FHOD3: variants seen among roughly 807,000 people sequenced by gnomAD.
FHOD3 encodes the protein FH1/FH2 domain-containing protein 3.
FHOD3 carries 90 observed loss-of-function variants against 173.0 expected under a neutral mutation model. The ratio of observed to expected loss-of-function variants is 0.52; its 90% CI spans 0.44 to 0.62. The LOEUF is 0.62. Among genes scored for constraint, FHOD3 ranks in the 20% least tolerant of loss-of-function variants. FHOD3 has a pLI of 0.00. For missense variants in FHOD3, 1,945 were observed against 2,034.7 expected (o/e 0.96, Z 0.85); for synonymous variants, 828 against 823.0 (o/e 1.01, Z -0.10).
At chr18:36,694,491 T>C (rs7244747) in intron 17 of FHOD3, among the ~76,000 whole-genome samples, 2,893 of 152,308 alleles carry the variant, frequency 0.019, 89 homozygotes, top group African/African-American at 0.065. Context: ...GGCTCAGTCA[T>C]GGATGAGTAA....
chr18:36,321,560 T>C (rs1022652354), intron 1 of FHOD3, among the ~76,000 whole-genome samples: 3 of 152,140 alleles, frequency 2.0e-5, no homozygotes, highest in Non-Finnish European at 2.9e-5. Flanking sequence ...TTGGAGTATA[T>C]AGAGTGTTGC....
rs1435475586 is a variant in FHOD3 at position 36,632,472 on chromosome 18, A to G, written c.1196+6723A>G. ...AAAACCTTCAGATTCAAAGTAGAAT[A>G]TAAGTATTCTTTACACATTTTAGAT... On this transcript the variant is annotated intron_variant, in intron 10 of 28. Coordinates refer to ENST00000590592, the MANE Select transcript of FHOD3 (RefSeq NM_001281740.3). Among the ~76,000 whole-genome samples, 6 of 152,254 alleles carry G rather than the reference A, an allele frequency of 3.9e-5. No homozygotes were observed. The East Asian group carries it at 7.7e-4, about 20-fold the overall frequency.
chr18:36,554,567 GGC>G (rs1491405292), intron 5 of FHOD3, among the ~76,000 whole-genome samples: 1 of 152,046 alleles, frequency 6.6e-6, no homozygotes, highest in Non-Finnish European at 1.5e-5. Flanking sequence ...ACACCACCAT[GGC>G]ACATGTATAC....
At chr18:36,523,108 A>G (rs1366998965) in intron 5 of FHOD3, among the ~76,000 whole-genome samples, 2 of 150,130 alleles carry the variant, frequency 1.3e-5, no homozygotes, top group African/African-American at 4.9e-5. Flanking sequence ...CGTGTCTGCC[A>G]TCAGTGCTGT....
intron 1 of FHOD3, among the ~76,000 whole-genome samples, chr18:36,320,568 G>A (rs764877883): frequency 6.6e-6 from 1 of 152,216 alleles, no homozygotes; most frequent in Non-Finnish European, 1.5e-5. Flanking sequence ...AGAGGAGCTG[G>A]CATCATTCCT....
intron 5 of FHOD3, among the ~76,000 whole-genome samples, chr18:36,567,939 C>T (rs1463171903): frequency 6.6e-6 from 1 of 151,964 alleles, no homozygotes; most frequent in Non-Finnish European, 1.5e-5. Context: ...TGTTTTTCTG[C>T]TTGGCCCCAG....
At chr18:36,636,857 A>G (rs930150511) in intron 10 of FHOD3, among the ~76,000 whole-genome samples, 9 of 152,164 alleles carry the variant, frequency 5.9e-5, no homozygotes, top group African/African-American at 2.2e-4. Flanking sequence ...GCCTTCTGGT[A>G]TGAAACACAT....
At position 36,653,323 on chromosome 18, in the gene FHOD3, G is replaced by A; in HGVS notation, c.1647-19G>A. ...TCTTTCCGTGCCACATTGTGAGCGG[G>A]CTTTTCTTCCTTTGACAGTTCCTCT... On this transcript the variant is annotated intron_variant, in intron 12 of 28. Coordinates refer to ENST00000590592, the MANE Select transcript of FHOD3 (RefSeq NM_001281740.3). The A allele has an allele frequency of 6.6e-7, 1 of 1,525,182 alleles. No homozygotes were observed. The highest frequency in any genetic ancestry group is 2.0e-5 in the Admixed American group (1 of 49,900). The allele number at this position is 1,525,182 out of a possible 1,614,324, so 94.5% of individuals were successfully genotyped here. A position where few individuals can be genotyped will look rare whatever the true frequency, so the allele number is the denominator to read the frequency against.
chr18:36,440,434 C>A (rs572002193), intron 3 of FHOD3, among the ~76,000 whole-genome samples: 1 of 152,212 alleles, frequency 6.6e-6, no homozygotes, highest in Non-Finnish European at 1.5e-5. Flanking sequence ...GGCCACACGT[C>A]GGGGAGGGAA....
At chr18:36,364,556 G>A (rs1031032080) in intron 2 of FHOD3, among the ~76,000 whole-genome samples, 6 of 152,186 alleles carry the variant, frequency 3.9e-5, no homozygotes, top group Non-Finnish European at 8.8e-5. Flanking sequence ...TGAGGAGAGT[G>A]AAGAGCAGTA....
chr18:36,722,377 C>T (rs1399079854), intron 19 of FHOD3, among the ~76,000 whole-genome samples: 1 of 152,134 alleles, frequency 6.6e-6, no homozygotes, highest in East Asian at 1.9e-4. Flanking sequence ...AGCTTCTATG[C>T]CCCAAGTTAC....
At chr18:36,465,119 A>G (rs1258302036) in intron 3 of FHOD3, among the ~76,000 whole-genome samples, 1 of 152,116 alleles carries the variant, frequency 6.6e-6, no homozygotes, top group Non-Finnish European at 1.5e-5. Context: ...CTTCAGGACA[A>G]GAGTTCGAGA....
intron 1 of FHOD3, among the ~76,000 whole-genome samples, chr18:36,299,322 C>T (rs562520856): frequency 3.9e-5 from 6 of 152,308 alleles, no homozygotes; most frequent in Non-Finnish European, 7.3e-5. Context: ...GACAGAGGGT[C>T]GTCATCATCC....
At chr18:36,729,662 A>T (rs1468648356) in intron 19 of FHOD3, among the ~76,000 whole-genome samples, 1 of 152,146 alleles carries the variant, frequency 6.6e-6, no homozygotes, top group Non-Finnish European at 1.5e-5. Flanking sequence ...TTATAATGAC[A>T]CCAGTCCCGT....
At chr18:36,672,714 CTG>C (rs1179947332) in intron 14 of FHOD3, among the ~76,000 whole-genome samples, 1 of 152,172 alleles carries the variant, frequency 6.6e-6, no homozygotes, top group African/African-American at 2.4e-5. Flanking sequence ...CTGCAATATT[CTG>C]TGTCTATTTT....
rs74784963 is a variant in FHOD3 at position 36,757,709 on chromosome 18, T to C, written c.4426-1409T>C. Among the ~76,000 whole-genome samples the C allele has an allele frequency of 8.8e-3, 1,337 of 152,326 alleles. 15 individuals are homozygous for C. Among genetic ancestry groups the C allele is most frequent in the African/African-American group, 0.03 (1,243 of 41,572 alleles). On this transcript the variant is annotated intron_variant, in intron 25 of 28. Coordinates refer to ENST00000590592, the MANE Select transcript of FHOD3 (RefSeq NM_001281740.3). ...ACCAGCTCCTGAGTGCCTATCCCTC[T>C]TCTTCTCCCCGTTTCTGGGTATTCA...
chr18:36,499,551 GC>G (rs2054920999), intron 3 of FHOD3, among the ~76,000 whole-genome samples: 1 of 152,110 alleles, frequency 6.6e-6, no homozygotes, highest in Non-Finnish European at 1.5e-5. Context: ...AGTAGTATTA[GC>G]AAAAAACAAA....
At chr18:36,730,506 A>G in intron 19 of FHOD3, 140 bp from the exon 20 acceptor site, 1 of 772,034 alleles carries the variant, frequency 1.3e-6, no homozygotes, top group Non-Finnish European at 2.0e-6. Flanking sequence ...TCTGTGCTGA[A>G]CAGTAGCCAG....
At chr18:36,742,891 C>A (rs372708672) in intron 22 of FHOD3, 35 bp downstream of exon 22, 2 of 1,593,390 alleles carry the variant, frequency 1.3e-6, no homozygotes, top group East Asian at 2.2e-5. Context: ...TGTAGCCCCC[C>A]CTTGTCACAA....
Sources: allele counts gnomAD v4.1 joint callset (sites outside exome capture counted in the v4.1 genomes callset), GRCh38; gene constraint gnomAD v4.1.1; transcripts MANE v1.5; gene names NCBI Gene and HGNC (gene_info 2026-07-23, HGNC 2026-07-21).